The following MACROD2 variants were observed in gnomAD, a reference collection of about 807,000 sequenced individuals.
The protein encoded by MACROD2 is ADP-ribose glycohydrolase MACROD2.
A neutral mutation model predicts 70.4 loss-of-function variants in MACROD2; 36 were observed. The ratio of observed to expected loss-of-function variants is 0.51; its 90% CI spans 0.39 to 0.68. MACROD2 has a LOEUF of 0.68. MACROD2 is among the 30% of genes least tolerant of loss of function. The pLI, the probability that MACROD2 is intolerant of heterozygous loss-of-function variation, is 0.00. For synonymous variants in MACROD2, 172 were observed against 178.8 expected (o/e 0.96, Z 0.30); for missense variants, 496 against 538.4 (o/e 0.92, Z 0.78).
At chr20:14,908,621 C>T (rs535890891) in intron 5 of MACROD2, among the ~76,000 whole-genome samples, 1 of 152,008 alleles carries the variant, frequency 6.6e-6, no homozygotes, top group African/African-American at 2.4e-5. Context: ...TGAGACCATG[C>T]CACTGCACTC....
chr20:15,263,134 G>A (rs2077263638), intron 6 of MACROD2, among the ~76,000 whole-genome samples: 6 of 152,014 alleles, frequency 3.9e-5, no homozygotes. Context: ...GTCCTGGAGA[G>A]TATCCCCATT....
chr20:16,044,541 A>G, intron 16 of MACROD2, 30 bp from the exon 17 acceptor site: 1 of 1,562,890 alleles, frequency 6.4e-7, no homozygotes, highest in East Asian at 2.3e-5. Flanking sequence ...TTTAATGAAT[A>G]TTTAACTTTT....
intron 8 of MACROD2, among the ~76,000 whole-genome samples, chr20:15,821,354 A>AT (rs1157846658): frequency 6.6e-6 from 1 of 151,550 alleles, no homozygotes; most frequent in African/African-American, 2.4e-5. Flanking sequence ...CTTGGTTGTA[A>AT]TTTGTATTTC....
intron 8 of MACROD2, among the ~76,000 whole-genome samples, chr20:15,621,056 T>C (rs11907234): frequency 0.052 from 7,875 of 152,188 alleles, 699 homozygotes; most frequent in African/African-American, 0.18. Flanking sequence ...CAGAAGGGAA[T>C]GTTCTGGGTC....
chr20:15,896,710 TCAAA>T (rs969047489), intron 10 of MACROD2, among the ~76,000 whole-genome samples: 4 of 152,190 alleles, frequency 2.6e-5, no homozygotes, highest in Admixed American at 2.6e-4. Context: ...AAATTAAAAA[TCAAA>T]CAACTTCTAA....
chr20:14,763,327 C>A (rs1176471223), intron 5 of MACROD2, among the ~76,000 whole-genome samples: 1 of 152,116 alleles, frequency 6.6e-6, no homozygotes, highest in African/African-American at 2.4e-5. Context: ...CGGGGAAACC[C>A]TGGAGACAAA....
chr20:14,651,973 G>A (rs1964775581), intron 4 of MACROD2, among the ~76,000 whole-genome samples: 1 of 152,004 alleles, frequency 6.6e-6, no homozygotes, highest in Admixed American at 6.6e-5. Context: ...TCTTACTGGA[G>A]TATCTAGTAG....
intron 3 of MACROD2, among the ~76,000 whole-genome samples, chr20:14,182,707 CTT>C (rs1156345585): frequency 6.6e-6 from 1 of 152,050 alleles, no homozygotes; most frequent in African/African-American, 2.4e-5. Context: ...TAAAAATACT[CTT>C]AAGTGTGAGA....
intron 5 of MACROD2, among the ~76,000 whole-genome samples, chr20:15,210,271 G>A (rs1194893130): frequency 1.3e-5 from 2 of 152,162 alleles, no homozygotes; most frequent in Admixed American, 6.5e-5. Context: ...AAGAAAGGCA[G>A]TCACAGAGGA....
intron 4 of MACROD2, among the ~76,000 whole-genome samples, chr20:14,520,957 GCACA>G (rs915683434): frequency 5.2e-5 from 3 of 57,426 alleles, no homozygotes; most frequent in Non-Finnish European, 9.8e-5. Context: ...GTGCGTGCGC[GCACA>G]CACACACACA....
chr20:15,416,889 C>G (rs1034537364), intron 6 of MACROD2, among the ~76,000 whole-genome samples: 2 of 148,428 alleles, frequency 1.3e-5, no homozygotes, highest in Non-Finnish European at 3.0e-5. Flanking sequence ...GGCGACAGAG[C>G]GAGACTCCGT....
chr20:14,160,956 A>T (rs1408953149), intron 3 of MACROD2, among the ~76,000 whole-genome samples: 1 of 152,072 alleles, frequency 6.6e-6, no homozygotes, highest in Non-Finnish European at 1.5e-5. Flanking sequence ...TGAACATTGT[A>T]CCCAATAGGT....
At chr20:15,166,683 A>G (rs1439053484) in intron 5 of MACROD2, among the ~76,000 whole-genome samples, 1 of 151,978 alleles carries the variant, frequency 6.6e-6, no homozygotes, top group East Asian at 1.9e-4. Flanking sequence ...GATAAAAGAG[A>G]ACTTCTTTAA....
intron 5 of MACROD2, among the ~76,000 whole-genome samples, chr20:14,928,498 C>T (rs920550569): frequency 2.0e-5 from 3 of 152,126 alleles, no homozygotes; most frequent in African/African-American, 7.2e-5. Context: ...ACTATTCTGA[C>T]TTAGAGGAAG....
chr20:14,364,551 C>T (rs1451448790), intron 3 of MACROD2, among the ~76,000 whole-genome samples: 1 of 152,172 alleles, frequency 6.6e-6, no homozygotes, highest in East Asian at 1.9e-4. Context: ...AAAATATTTT[C>T]ATCACCTCAA....
intron 7 of MACROD2, among the ~76,000 whole-genome samples, chr20:15,465,135 G>A (rs1205485589): frequency 6.6e-6 from 1 of 152,054 alleles, no homozygotes; most frequent in African/African-American, 2.4e-5. Flanking sequence ...AGATAACTAA[G>A]GTGAATGAGA....
intron 3 of MACROD2, among the ~76,000 whole-genome samples, chr20:14,207,550 A>T (rs1237059126): frequency 6.8e-6 from 1 of 147,590 alleles, no homozygotes; most frequent in African/African-American, 2.5e-5. Context: ...TATCTGCTAC[A>T]TTGCCAAACT....
intron 3 of MACROD2, among the ~76,000 whole-genome samples, chr20:14,261,152 G>A (rs2082098030): frequency 6.6e-6 from 1 of 152,140 alleles, no homozygotes; most frequent in African/African-American, 2.4e-5. Flanking sequence ...AGTGTTTTTA[G>A]TGATCAGAAA....
intron 5 of MACROD2, among the ~76,000 whole-genome samples, chr20:14,852,243 A>G (rs1347802068): frequency 6.6e-6 from 1 of 152,126 alleles, no homozygotes; most frequent in Non-Finnish European, 1.5e-5. Flanking sequence ...ACCAAGGTAC[A>G]ACAGTGCAGA....
Sources: allele counts gnomAD v4.1 joint callset (sites outside exome capture counted in the v4.1 genomes callset), GRCh38; gene constraint gnomAD v4.1.1; transcripts MANE v1.5; gene names NCBI Gene and HGNC (gene_info 2026-07-23, HGNC 2026-07-21).